The following RBM27 variants were observed in gnomAD, a reference collection of about 807,000 sequenced individuals.
RBM27 encodes the protein RNA-binding protein 27.
In RBM27, 22 loss-of-function variants were observed where a neutral mutation model predicts 135.3. That is an observed-to-expected ratio of 0.16 (90% CI 0.12 to 0.23). RBM27 has a LOEUF of 0.23. RBM27 is among the 10% of genes least tolerant of loss of function. RBM27 has a pLI of 1.00. For missense variants in RBM27, 1,009 were observed against 1,281.0 expected (o/e 0.79, Z 3.24); for synonymous variants, 481 against 442.4 (o/e 1.09, Z -1.10).
intron 1 of RBM27, among the ~76,000 whole-genome samples, chr5:146,213,400 A>T (rs917130677): frequency 6.6e-6 from 1 of 152,126 alleles, no homozygotes; most frequent in Non-Finnish European, 1.5e-5. Flanking sequence ...CGCCCAGCCA[A>T]GAGTGTGGAT....
rs1315910586 is a variant in RBM27, at chr5:146,237,294, G to A, written c.1145-4G>A. 2.5e-6 allele frequency: 4 copies of A among 1,613,970 alleles called. No individual in the cohort carries two copies. Among genetic ancestry groups the A allele is most frequent in the Admixed American group, 1.7e-5 (1 of 59,996 alleles). On this transcript the variant is annotated splice_polypyrimidine_tract_variant and splice_region_variant and intron_variant, in intron 7 of 20. Transcript: ENST00000265271. ...ACTTTTCACTTTTTGTTGTCTGTAT[G>A]TAGGACCACCTATAACACAATCAAG...
chr5:146,254,320 T>C (rs1758017009), intron 9 of RBM27, among the ~76,000 whole-genome samples: 1 of 152,094 alleles, frequency 6.6e-6, no homozygotes, highest in African/African-American at 2.4e-5. Flanking sequence ...AAAAGTGCAT[T>C]GACATTTGGA....
At chr5:146,236,015 C>A (rs558173003) in intron 7 of RBM27, among the ~76,000 whole-genome samples, 1 of 152,192 alleles carries the variant, frequency 6.6e-6, no homozygotes, top group South Asian at 2.1e-4. Flanking sequence ...AATATAATCA[C>A]ATAAACAGTA....
In RBM27 at chr5:146,289,096, T is replaced by A. The variant is rs908955824; in HGVS notation, c.*3066T>A. 4.6e-5 allele frequency: 7 copies of A among 151,896 alleles called. No individual in the cohort carries two copies. Among genetic ancestry groups the A allele is most frequent in the African/African-American group, 1.7e-4 (7 of 41,380 alleles). The allele number at this position is 151,896 out of a possible 1,614,324, so 9.4% of individuals were successfully genotyped here. On this transcript the variant is annotated 3_prime_UTR_variant, in exon 21 of 21. Transcript: ENST00000265271. ...AATTTCTAAGAAGCATGTTGACTTTTGCAATAAAGATGCAATATGGAATGG... is the reference window on the plus strand; with the variant it reads ...AATTTCTAAGAAGCATGTTGACTTTAGCAATAAAGATGCAATATGGAATGG...
Position 146,260,774 on chromosome 5 carries a change from G to A in RBM27, c.1769G>A (p.Gly590Glu), listed in dbSNP as rs781007179. 4 of 1,608,634 alleles carry A rather than the reference G, an allele frequency of 2.5e-6. No individual in the cohort carries two copies. In the Admixed American group the frequency reaches 6.8e-5, roughly 27 times the overall value. ...KQGNNNQNKP[G>E]FLRKNQYTNT... The stretch of plus-strand genomic sequence containing the variant: ...GGAAATAACAATCAAAATAAACCAG[G>A]GTTCTTACGAAAGAATCAGTATACA... Residue 590 changes from glycine to glutamate, a missense_variant, in exon 12 of 21, where the codon GGG (glycine) becomes GAG (glutamate). Gly to Glu is a moderately conservative substitution (Grantham distance 98, BLOSUM62 -2). This residue lies in a region of RBM27 where 329 missense variants were observed against 368.1 expected (regional missense o/e 0.89). Transcript: ENST00000265271.
At chr5:146,259,666 C>G (rs911571275) in intron 11 of RBM27, among the ~76,000 whole-genome samples, 5 of 151,500 alleles carry the variant, frequency 3.3e-5, no homozygotes, top group Non-Finnish European at 7.4e-5. Context: ...TTCACCTTTT[C>G]TATTCTCATG....
intron 19 of RBM27, among the ~76,000 whole-genome samples, chr5:146,274,409 A>G (rs1460571193): frequency 6.6e-6 from 1 of 152,046 alleles, no homozygotes; most frequent in Non-Finnish European, 1.5e-5. Context: ...GGCACGCACG[A>G]CCACACCCAG....
At chr5:146,250,153 G>A (rs539447228) in intron 8 of RBM27, among the ~76,000 whole-genome samples, 14 of 151,900 alleles carry the variant, frequency 9.2e-5, no homozygotes, top group Non-Finnish European at 1.8e-4. Flanking sequence ...CATTTCACCA[G>A]GTATAAAAAA....
chr5:146,275,751 C>G (rs1371992839), intron 19 of RBM27, among the ~76,000 whole-genome samples: 2 of 152,136 alleles, frequency 1.3e-5, no homozygotes, highest in African/African-American at 4.8e-5. Context: ...AACTAAAGTA[C>G]TTCATCCCTG....
chr5:146,268,576 C>T (rs1758724044), intron 15 of RBM27, among the ~76,000 whole-genome samples: 2 of 151,992 alleles, frequency 1.3e-5, no homozygotes, highest in Admixed American at 1.3e-4. Context: ...CTGCATGTCA[C>T]TTTTTTCTTT....
intron 8 of RBM27, among the ~76,000 whole-genome samples, chr5:146,250,392 A>G (rs970197769): frequency 6.8e-5 from 10 of 147,120 alleles, no homozygotes; most frequent in Non-Finnish European, 1.0e-4. Context: ...AGTGAGCACC[A>G]CTGCACTCCA....
intron 10 of RBM27, among the ~76,000 whole-genome samples, chr5:146,256,745 A>G (rs1290945479): frequency 6.6e-6 from 1 of 152,182 alleles, no homozygotes; most frequent in Non-Finnish European, 1.5e-5. Context: ...GAACTTGCCC[A>G]AAGTCACACA....
chr5:146,224,703 C>T (rs897910244), intron 3 of RBM27, among the ~76,000 whole-genome samples: 2 of 151,592 alleles, frequency 1.3e-5, no homozygotes, highest in Non-Finnish European at 2.9e-5. Context: ...AAAAAAATTA[C>T]GAGAATAATA....
At chr5:146,219,427 G>A (rs1003361374) in intron 2 of RBM27, among the ~76,000 whole-genome samples, 1 of 152,154 alleles carries the variant, frequency 6.6e-6, no homozygotes, top group Non-Finnish European at 1.5e-5. Flanking sequence ...TATTCTTGGT[G>A]TTCATTAAGA....
At chr5:146,205,838 G>T (rs1755621563) in intron 1 of RBM27, among the ~76,000 whole-genome samples, 1 of 152,098 alleles carries the variant, frequency 6.6e-6, no homozygotes, top group East Asian at 1.9e-4. Context: ...GGCCAATATG[G>T]TGAAACCCCG....
At chr5:146,240,570 G>A (rs1043982384) in intron 8 of RBM27, among the ~76,000 whole-genome samples, 3 of 152,084 alleles carry the variant, frequency 2.0e-5, no homozygotes, top group Non-Finnish European at 4.4e-5. Context: ...CAGGTGATCC[G>A]CCTGCCTTGG....
At chr5:146,243,244 C>T (rs1178161452) in intron 8 of RBM27, among the ~76,000 whole-genome samples, 1 of 151,856 alleles carries the variant, frequency 6.6e-6, no homozygotes, top group African/African-American at 2.4e-5. Flanking sequence ...CTAGCCTGGG[C>T]AACAAGAGCG....
rs777869082 is a variant in RBM27 at position 146,258,567 on chromosome 5, A to G, written c.1713A>G (p.Pro571=). 2 of 1,573,942 alleles carry G rather than the reference A, an allele frequency of 1.3e-6. No homozygotes were observed. Among genetic ancestry groups the G allele is most frequent in the Non-Finnish European group, 1.7e-6 (2 of 1,161,142 alleles). ...RKRAMSGLEG[P]LTKKPWLGKQ... ...GAGCTATGAGTGGTTTGGAAGGGCC[A>G]CTCACAAAGAAACCTTGGCTGGGAA... Residue 571 remains proline (P), a synonymous_variant, in exon 11 of 21, where the codon CCA becomes CCG. Transcript: ENST00000265271.
chr5:146,254,879 C>A, intron 9 of RBM27, 64 bp from the exon 10 acceptor site: 3 of 1,329,600 alleles, frequency 2.3e-6, no homozygotes, highest in Non-Finnish European at 3.1e-6. Context: ...TATTTTATAA[C>A]AATGAGAGAT....
Sources: gnomAD v4.1 joint callset for allele counts (sites outside exome capture counted in the v4.1 genomes callset) on GRCh38, gnomAD v4.1.1 for gene constraint, gnomAD v4.1.1 regional missense constraint, MANE v1.5 for transcripts, NCBI Gene and HGNC (gene_info 2026-07-23, HGNC 2026-07-21) for gene names.